Variants in ARID1B observed in about 807,000 individuals in gnomAD.
The protein encoded by ARID1B is AT-rich interaction domain 1B, also known as AT-rich interactive domain-containing protein 1B.
ARID1B carries 30 observed loss-of-function variants against 212.3 expected under a neutral mutation model. The observed-to-expected ratio is 0.14, with a 90% CI of 0.11 to 0.19. The LOEUF is 0.19. ARID1B is among the 10% of genes least tolerant of loss of function. ARID1B has a pLI of 1.00. For synonymous variants in ARID1B, 1,402 were observed against 1,301.7 expected, an observed-to-expected ratio of 1.08 and a Z score of -1.66; for missense variants, 2,891 against 3,204.0, an observed-to-expected ratio of 0.90 and a Z score of 2.36.
intron 4 of ARID1B, among the ~76,000 whole-genome samples, chr6:156,996,443 C>T (rs1423212824): frequency 6.6e-6 from 1 of 152,206 alleles, no homozygotes. Context: ...AGGATGATAA[C>T]ATGGAAAGAA....
At chr6:156,928,288 A>G (rs954663332) in intron 3 of ARID1B, among the ~76,000 whole-genome samples, 1 of 152,180 alleles carries the variant, frequency 6.6e-6, no homozygotes, top group Non-Finnish European at 1.5e-5. Context: ...ACCGCAGTGC[A>G]GGTGTCTGCC....
At chr6:156,918,679 T>C (rs1041558044) in intron 3 of ARID1B, among the ~76,000 whole-genome samples, 6 of 152,212 alleles carry the variant, frequency 3.9e-5, no homozygotes, top group South Asian at 2.1e-4. Context: ...AGACAACTTC[T>C]GGGTCACTTA....
chr6:156,910,464 C>T (rs1191637005), intron 3 of ARID1B, among the ~76,000 whole-genome samples: 2 of 151,956 alleles, frequency 1.3e-5, no homozygotes, highest in Non-Finnish European at 2.9e-5. Context: ...TTTGGCAGGC[C>T]CTGGACTTCC....
intron 1 of ARID1B, among the ~76,000 whole-genome samples, chr6:156,798,645 C>T (rs1780563887): frequency 6.6e-6 from 1 of 152,158 alleles, no homozygotes; most frequent in Non-Finnish European, 1.5e-5. Context: ...ATTGAACTAC[C>T]AGTATATTTT....
intron 5 of ARID1B, among the ~76,000 whole-genome samples, chr6:157,100,496 T>C (rs1355470864): frequency 1.3e-5 from 2 of 152,196 alleles, no homozygotes; most frequent in South Asian, 2.1e-4. Context: ...GGGATTTTTT[T>C]CCGTTCTTGA....
intron 4 of ARID1B, among the ~76,000 whole-genome samples, chr6:157,051,612 A>G (rs1423704577): frequency 6.6e-6 from 1 of 152,150 alleles, no homozygotes; most frequent in African/African-American, 2.4e-5. Flanking sequence ...GTATCTTTTG[A>G]ATGTTTGAAT....
rs753434703 is a variant in ARID1B at position 157,200,762 on chromosome 6, G to A, written c.4537G>A (p.Asp1513Asn). ...GCCCCCAGCCAAGCGCCACGAGGGCGACATGTACAACATGCAGTACAGCAG... is the reference window on the plus strand; with the variant it reads ...GCCCCCAGCCAAGCGCCACGAGGGCAACATGTACAACATGCAGTACAGCAG... Reference protein sequence around the residue: ...YGPPAKRHEGDMYNMQYSSQQ... With the variant: ...YGPPAKRHEGNMYNMQYSSQQ... Residue 1513 changes from aspartate to asparagine, a missense_variant, in exon 18 of 20, where the codon GAC (aspartate) becomes AAC (asparagine). Coordinates refer to ENST00000636930, the MANE Select transcript of ARID1B (RefSeq NM_001374828.1). The surrounding 1 kb of genome is among the most constrained non-coding windows in gnomAD (Gnocchi z 4.3). 21 of 1,613,816 alleles carry A rather than the reference G, an allele frequency of 1.3e-5. No homozygotes were observed. Among genetic ancestry groups the A allele is most frequent in the Non-Finnish European group, 1.7e-5 (20 of 1,179,984 alleles).
At chr6:156,911,321 A>T in intron 3 of ARID1B, among the ~76,000 whole-genome samples, 1 of 147,198 alleles carries the variant, frequency 6.8e-6, no homozygotes, top group African/African-American at 2.5e-5. Context: ...TGGGTTCTAG[A>T]CTCAGCTAAA....
intron 6 of ARID1B, among the ~76,000 whole-genome samples, chr6:157,122,835 C>T (rs551845890): frequency 1.3e-5 from 2 of 152,258 alleles, no homozygotes; most frequent in East Asian, 3.9e-4. Flanking sequence ...TGCACCACCA[C>T]ACCCAGCTAA....
At chr6:157,160,074 G>C (rs1790833446) in intron 8 of ARID1B, among the ~76,000 whole-genome samples, 1 of 152,220 alleles carries the variant, frequency 6.6e-6, no homozygotes, top group African/African-American at 2.4e-5. Context: ...TGAATACATG[G>C]AAGCTTTCTT....
chr6:156,788,702 T>G (rs988117718), intron 1 of ARID1B, among the ~76,000 whole-genome samples: 18 of 152,176 alleles, frequency 1.2e-4, no homozygotes, highest in Non-Finnish European at 2.6e-4. Flanking sequence ...AAAATTATAA[T>G]TTACTATGCA....
At chr6:156,777,357 C>T (rs1179587572), upstream of ARID1B, 2 of 151,570 alleles carry the variant, frequency 1.3e-5, no homozygotes, top group East Asian at 3.9e-4. Flanking sequence ...AATAGTTGCT[C>T]GAGCTCGCCC....
At chr6:157,150,514 G>C (rs1790115665) in intron 8 of ARID1B, 1 of 157,176 alleles carries the variant, frequency 6.4e-6, no homozygotes, top group African/African-American at 2.4e-5. Context: ...GATTAGAATT[G>C]AGAATATTAC....
intron 4 of ARID1B, among the ~76,000 whole-genome samples, chr6:157,012,149 A>G (rs1325735904): frequency 1.3e-5 from 2 of 152,252 alleles, no homozygotes; most frequent in Non-Finnish European, 2.9e-5. Flanking sequence ...AATTCTTCTG[A>G]AAGAACTGCA....
intron 1 of ARID1B, among the ~76,000 whole-genome samples, chr6:156,794,201 A>G (rs1338999589): frequency 6.6e-6 from 1 of 152,124 alleles, no homozygotes; most frequent in African/African-American, 2.4e-5. Flanking sequence ...TTAAAAAAAA[A>G]GACTTCTTTT....
chr6:156,934,492 T>A (rs1243252315), intron 3 of ARID1B, among the ~76,000 whole-genome samples: 4 of 152,120 alleles, frequency 2.6e-5, no homozygotes, highest in South Asian at 2.1e-4. Context: ...GTTTTTTGGG[T>A]GTGTTTTGTT....
At chr6:156,797,824 G>T (rs541472159) in intron 1 of ARID1B, among the ~76,000 whole-genome samples, 1 of 152,220 alleles carries the variant, frequency 6.6e-6, no homozygotes, top group Admixed American at 6.5e-5. Context: ...TGCGGAGCAC[G>T]TGCCTGGTGA....
chr6:157,008,992 A>C (rs540625109), intron 4 of ARID1B, among the ~76,000 whole-genome samples: 1 of 152,338 alleles, frequency 6.6e-6, no homozygotes, highest in South Asian at 2.1e-4. Flanking sequence ...TCAATAATTC[A>C]CTGGGTTAGC....
At chr6:156,862,759 T>C (rs1785421876) in intron 2 of ARID1B, among the ~76,000 whole-genome samples, 1 of 152,198 alleles carries the variant, frequency 6.6e-6, no homozygotes. Flanking sequence ...AGTGCTTCTC[T>C]GTTAATGAAG....
Sources: allele counts gnomAD v4.1 joint callset (sites outside exome capture counted in the v4.1 genomes callset), GRCh38; gene constraint gnomAD v4.1.1; non-coding constraint Gnocchi (gnomAD v3.1); transcripts MANE v1.5; gene names NCBI Gene and HGNC (gene_info 2026-07-23, HGNC 2026-07-21).